Variants in SCFD2 observed in about 807,000 individuals in gnomAD.
SCFD2 encodes the protein sec1 family domain-containing protein 2.
SCFD2 carries 54 observed loss-of-function variants against 58.9 expected under a neutral mutation model. That is an observed-to-expected ratio of 0.92 (90% CI 0.74 to 1.15). The LOEUF is 1.15. Ranked by LOEUF, SCFD2 falls within the 50% of genes most tolerant of loss-of-function variation. The probability of loss-of-function intolerance (pLI) is 0.00; values close to 1 mark genes in which losing one functional copy is unlikely to be tolerated. For missense variants in SCFD2, 805 were observed against 836.6 expected (o/e 0.96, Z 0.47); for synonymous variants, 321 against 335.9 (o/e 0.96, Z 0.49).
chr4:52,918,104 A>G (rs552854672), intron 6 of SCFD2, among the ~76,000 whole-genome samples: 4 of 152,202 alleles, frequency 2.6e-5, no homozygotes, highest in Non-Finnish European at 5.9e-5. Flanking sequence ...CATCTCAATC[A>G]GATTCTGTCT....
intron 4 of SCFD2, among the ~76,000 whole-genome samples, chr4:53,267,392 A>G (rs1731021878): frequency 6.6e-6 from 1 of 152,222 alleles, no homozygotes; most frequent in Admixed American, 6.5e-5. Flanking sequence ...TACTATGTAA[A>G]GTAAGCATGT....
chr4:52,936,717 C>T (rs991034101), intron 5 of SCFD2, among the ~76,000 whole-genome samples: 1 of 152,166 alleles, frequency 6.6e-6, no homozygotes, highest in Non-Finnish European at 1.5e-5. Flanking sequence ...CTCCAGAGCA[C>T]TCTCCTCTCC....
chr4:52,950,496 G>A (rs1219905176), intron 5 of SCFD2: 2 of 152,234 alleles, frequency 1.3e-5, no homozygotes, highest in Non-Finnish European at 2.9e-5. Context: ...ACAGAACAAA[G>A]GGAATCTATG....
chr4:53,331,768 G>A (rs572194342), intron 2 of SCFD2, among the ~76,000 whole-genome samples: 1 of 152,114 alleles, frequency 6.6e-6, no homozygotes, highest in African/African-American at 2.4e-5. Flanking sequence ...GAAGGAAATA[G>A]AGACACAAAA....
chr4:53,235,671 A>G (rs187565801), intron 4 of SCFD2, among the ~76,000 whole-genome samples: 131 of 152,344 alleles, frequency 8.6e-4, no homozygotes, highest in African/African-American at 3.0e-3. Context: ...AGAAAGTAGC[A>G]ATTGTAAATG....
At chr4:53,062,356 A>G (rs1723539015) in intron 5 of SCFD2, among the ~76,000 whole-genome samples, 2 of 151,172 alleles carry the variant, frequency 1.3e-5, no homozygotes, top group South Asian at 4.2e-4. Flanking sequence ...TGGGCTACAG[A>G]GACTCCGTCT....
At chr4:53,320,796 A>T (rs944430984) in intron 2 of SCFD2, among the ~76,000 whole-genome samples, 10 of 152,228 alleles carry the variant, frequency 6.6e-5, no homozygotes, top group Admixed American at 6.5e-4. Context: ...CAATAAAAAG[A>T]ATTAACAACA....
intron 4 of SCFD2, among the ~76,000 whole-genome samples, chr4:53,229,020 A>G (rs1265032278): frequency 1.3e-5 from 2 of 152,164 alleles, no homozygotes; most frequent in Non-Finnish European, 2.9e-5. Context: ...CCCATTCACA[A>G]TTGCTTCAAA....
At chr4:53,315,907 A>G (rs1283046137) in intron 2 of SCFD2, among the ~76,000 whole-genome samples, 1 of 152,122 alleles carries the variant, frequency 6.6e-6, no homozygotes, top group Non-Finnish European at 1.5e-5. Flanking sequence ...GTAGTGGTTT[A>G]TGGACTCCGC....
At chr4:53,160,347 T>C (rs1485519216) in intron 4 of SCFD2, among the ~76,000 whole-genome samples, 1 of 152,132 alleles carries the variant, frequency 6.6e-6, no homozygotes, top group Admixed American at 6.5e-5. Context: ...AGGAAGCAAT[T>C]TCAATAAACC....
chr4:53,290,572 C>G (rs1422040929), intron 3 of SCFD2, among the ~76,000 whole-genome samples: 1 of 151,610 alleles, frequency 6.6e-6, no homozygotes, highest in African/African-American at 2.4e-5. Flanking sequence ...AGTTAAAGAA[C>G]AAACTAAATC....
chr4:53,177,345 G>GCTTTACCT (rs1727370752), intron 4 of SCFD2, among the ~76,000 whole-genome samples: 1 of 152,198 alleles, frequency 6.6e-6, no homozygotes, highest in Admixed American at 6.5e-5. Flanking sequence ...GGTAAAGAAA[G>GCTTTACCT]CATCCTGGAG....
intron 5 of SCFD2, among the ~76,000 whole-genome samples, chr4:53,103,236 G>A (rs1403393952): frequency 6.6e-6 from 1 of 152,028 alleles, no homozygotes; most frequent in Admixed American, 6.6e-5. Flanking sequence ...ATTAGCAAAG[G>A]GCTCTGGATA....
chr4:52,981,170 G>A (rs985466544), intron 5 of SCFD2, among the ~76,000 whole-genome samples: 1 of 152,198 alleles, frequency 6.6e-6, no homozygotes, highest in Admixed American at 6.5e-5. Context: ...ACAAGAGTGT[G>A]CTGCTGATGA....
rs143629526 is a variant in SCFD2 at position 53,064,897 on chromosome 4, C to T, written c.1561+80436G>A. On this transcript the variant is annotated intron_variant, in intron 5 of 8. Coordinates refer to ENST00000401642, the MANE Select transcript of SCFD2 (RefSeq NM_152540.4). ...GTAAAGTACCTAGCTCAGTGTCTGG[C>T]ATGTAGAAAGTACTCAATCAATTAT... 5.9e-5 allele frequency among the ~76,000 whole-genome samples: 9 copies of T among 152,160 alleles called. No individual in the cohort carries two copies. In the East Asian group the frequency reaches 7.7e-4, roughly 13 times the overall value.
intron 5 of SCFD2, among the ~76,000 whole-genome samples, chr4:52,954,098 G>A (rs1352759459): frequency 6.6e-6 from 1 of 152,196 alleles, no homozygotes; most frequent in East Asian, 1.9e-4. Flanking sequence ...GCAGCACAGG[G>A]AGCAGTGCCT....
At position 53,003,276 on chromosome 4, in the gene SCFD2, C is replaced by T. The variant is rs568842293; in HGVS notation, c.1562-82406G>A. Among the ~76,000 whole-genome samples, 34 of 152,304 alleles carry T rather than the reference C, an allele frequency of 2.2e-4. No individual in the cohort carries two copies. In the East Asian group the frequency reaches 3.7e-3, roughly 16 times the overall value. On this transcript the variant is annotated intron_variant, in intron 5 of 8. Transcript: ENST00000401642. Reference sequence around the variant, plus strand: ...GGAGTAGAGTGATAAACAAAAGACACGGATCTCTGTCCTCATCAGACTTAC... The same window carrying T: ...GGAGTAGAGTGATAAACAAAAGACATGGATCTCTGTCCTCATCAGACTTAC...
intron 6 of SCFD2, among the ~76,000 whole-genome samples, chr4:52,918,088 C>A (rs1393343806): frequency 6.6e-6 from 1 of 152,148 alleles, no homozygotes; most frequent in African/African-American, 2.4e-5. Context: ...ACCAGGGAGC[C>A]CAGGACATCT....
At chr4:53,035,019 C>A (rs992725144) in intron 5 of SCFD2, among the ~76,000 whole-genome samples, 6 of 152,164 alleles carry the variant, frequency 3.9e-5, no homozygotes, top group African/African-American at 1.2e-4. Context: ...ATAGCCAAGA[C>A]AATTCTGGGC....
Sources: gnomAD v4.1 joint callset for allele counts (sites outside exome capture counted in the v4.1 genomes callset) on GRCh38, gnomAD v4.1.1 for gene constraint, MANE v1.5 for transcripts, NCBI Gene and HGNC (gene_info 2026-07-23, HGNC 2026-07-21) for gene names.